SAFB: variants seen among roughly 807,000 people sequenced by gnomAD.
The protein encoded by SAFB is scaffold attachment factor B, also known as scaffold attachment factor B1.
Under a neutral mutation model 101.6 loss-of-function variants are expected in SAFB, and 15 were observed. That is an observed-to-expected ratio of 0.15 (90% CI 0.10 to 0.23). SAFB has a LOEUF of 0.23. Ranked by LOEUF, SAFB falls within the 10% of genes least tolerant of loss-of-function variation. The probability of loss-of-function intolerance (pLI) is 1.00; values close to 1 mark genes in which losing one functional copy is unlikely to be tolerated. For missense variants in SAFB, 930 were observed against 1,104.1 expected (o/e 0.84, Z 2.23); for synonymous variants, 449 against 407.5 (o/e 1.10, Z -1.23).
At chr19:5,626,347 C>T (rs750264917) in intron 1 of SAFB, 58 bp from the exon 2 acceptor site, 1 of 983,658 alleles carries the variant, frequency 1.0e-6, no homozygotes, top group Non-Finnish European at 1.6e-6. Context: ...TGAGAGCTCT[C>T]TGAAAGCAGT....
chr19:5,653,527 T>C, intron 11 of SAFB, 107 bp downstream of exon 11: 1 of 949,572 alleles, frequency 1.1e-6, no homozygotes. Flanking sequence ...AGTGCAGTGG[T>C]GTGATCTCGG....
intron 14 of SAFB, among the ~76,000 whole-genome samples, chr19:5,658,696 A>G (rs1289295094): frequency 6.6e-6 from 1 of 150,566 alleles, no homozygotes; most frequent in Non-Finnish European, 1.5e-5. Flanking sequence ...ACAAAAAATG[A>G]ACTGGGCGTG....
chr19:5,659,899 G>A (rs941702588), intron 14 of SAFB, among the ~76,000 whole-genome samples: 6 of 152,144 alleles, frequency 3.9e-5, no homozygotes, highest in Admixed American at 1.3e-4. Context: ...GTGGGCTTGG[G>A]TATCCCGTCA....
At chr19:5,647,158 C>G (rs574014775) in intron 5 of SAFB, among the ~76,000 whole-genome samples, 85 of 152,258 alleles carry the variant, frequency 5.6e-4, no homozygotes, top group African/African-American at 2.0e-3. Context: ...GGAAAAAGCT[C>G]CTTTGCTTAG....
chr19:5,627,540 C>G (rs142205885), intron 2 of SAFB, among the ~76,000 whole-genome samples: 1,726 of 152,274 alleles, frequency 0.011, 27 homozygotes, highest in Non-Finnish European at 0.013. Flanking sequence ...AGAATTGTCA[C>G]TTTAACATTT....
intron 2 of SAFB, among the ~76,000 whole-genome samples, chr19:5,630,100 G>A (rs568268464): frequency 1.5e-4 from 23 of 152,320 alleles, no homozygotes; most frequent in African/African-American, 5.5e-4. Flanking sequence ...ATGGGTGACG[G>A]TGCCTATTTC....
In SAFB at chr19:5,659,298, G is replaced by A. The variant is rs1250809113; in HGVS notation, c.1862+1951G>A. Among the ~76,000 whole-genome samples, 4 of 152,052 alleles carry A rather than the reference G, an allele frequency of 2.6e-5. No individual in the cohort carries two copies. In the South Asian group the frequency reaches 6.2e-4, roughly 24 times the overall value. ...CCAGCCTGGGCAACAAGAGCAAAAC[G>A]CTGTCTCAAATAAGAAATAAGGACA... On this transcript the variant is annotated intron_variant, in intron 14 of 20. Coordinates refer to ENST00000588852, the MANE Select transcript of SAFB (RefSeq NM_001201338.2).
intron 2 of SAFB, among the ~76,000 whole-genome samples, chr19:5,640,059 A>T (rs751086653): frequency 1.3e-5 from 2 of 151,998 alleles, no homozygotes; most frequent in Admixed American, 6.6e-5. Flanking sequence ...TCTCCATGTC[A>T]GTCAGGCTAG....
At chr19:5,661,405 C>G (rs951170171) in intron 14 of SAFB, 113 bp from the exon 15 acceptor site, 15 of 1,528,810 alleles carry the variant, frequency 9.8e-6, no homozygotes, top group Non-Finnish European at 1.3e-5. Flanking sequence ...CTGCAGACCA[C>G]GTAGTGGACG....
Position 5,667,817 on chromosome 19 carries a change from C to T in SAFB, c.2558-3C>T, listed in dbSNP as rs762090835. The T allele has an allele frequency of 6.2e-7, 1 of 1,613,920 alleles. No individual in the cohort carries two copies. Among genetic ancestry groups the T allele is most frequent in the Non-Finnish European group, 8.5e-7 (1 of 1,179,950 alleles). Reference sequence around the variant, plus strand: ...CCTGTGTGAAAGCACGTCTGTCTTCCAGGTGGCGAGAGAAGCATGTCCGGT... The same window carrying T: ...CCTGTGTGAAAGCACGTCTGTCTTCTAGGTGGCGAGAGAAGCATGTCCGGT... On this transcript the variant is annotated splice_region_variant and splice_polypyrimidine_tract_variant and intron_variant, in intron 19 of 20. Transcript: ENST00000588852. This position sits in a 1 kb window ranked among gnomAD's most constrained non-coding sequence, Gnocchi z 4.0.
In SAFB at chr19:5,664,107, C is replaced by G. The variant is rs1349019781; in HGVS notation, c.2239C>G (p.His747Asp). 6.2e-7 allele frequency: 1 copy of G among 1,613,956 alleles called. No homozygotes were observed. Among genetic ancestry groups the G allele is most frequent in the Non-Finnish European group, 8.5e-7 (1 of 1,180,040 alleles). ...TGACTTTAACCGCCAGGACCGCTTCCACGACTTTGACCACAGGGACCGCGG... is the reference window on the plus strand; with the variant it reads ...TGACTTTAACCGCCAGGACCGCTTCGACGACTTTGACCACAGGGACCGCGG... The part of the protein sequence containing the change: ...HSDFNRQDRF[H>D]DFDHRDRGRY... The change falls in exon 16 of 21, where the codon CAC (histidine) becomes GAC (aspartate). Residue 747 changes from histidine to aspartate, a missense_variant. Coordinates refer to ENST00000588852, the MANE Select transcript of SAFB (RefSeq NM_001201338.2).
At position 5,664,486 on chromosome 19, in the gene SAFB, G is replaced by T. The variant is rs775024353; in HGVS notation, c.2334+47G>T. 4.1e-6 allele frequency: 6 copies of T among 1,476,990 alleles called. No individual in the cohort carries two copies. In the South Asian group the frequency reaches 6.8e-5, roughly 17 times the overall value. The allele number at this position is 1,476,990 out of a possible 1,614,324, so 91.5% of individuals were successfully genotyped here. On this transcript the variant is annotated intron_variant, in intron 17 of 20. Coordinates refer to ENST00000588852, the MANE Select transcript of SAFB (RefSeq NM_001201338.2). ...TAGCCACAGAATTTCCCATAGAATG[G>T]GTTCTTTTCCCTTCAGCGTGCCTTC...
rs1308463023 is a variant in SAFB at position 5,642,620 on chromosome 19, C to T, written c.546+674C>T. Among the ~76,000 whole-genome samples the T allele has an allele frequency of 6.1e-5, 9 of 146,476 alleles. 1 individual carries two copies. The Admixed American group carries it at 6.2e-4, about 10-fold the overall frequency. ...GTGGGTAGTATTTCCTGAATACTAC[C>T]TACCAGGCATTGGCATTATGCCCTT... On this transcript the variant is annotated intron_variant, in intron 4 of 20. Transcript: ENST00000588852.
At chr19:5,655,252 G>A (rs1599368431) in intron 13 of SAFB, among the ~76,000 whole-genome samples, 1 of 152,026 alleles carries the variant, frequency 6.6e-6, no homozygotes, top group Non-Finnish European at 1.5e-5. Flanking sequence ...GAGCCCAGGA[G>A]ATGGATACCA....
chr19:5,629,776 G>T (rs574591927), intron 2 of SAFB, among the ~76,000 whole-genome samples: 1 of 152,146 alleles, frequency 6.6e-6, no homozygotes, highest in East Asian at 1.9e-4. Flanking sequence ...TAGCTGTCCC[G>T]GCCAAGTTCA....
In SAFB at chr19:5,649,469, C is replaced by T; in HGVS notation, c.1118C>T (p.Ser373Leu). ...GTCCCTCCGGCTCCTAAAGAGTCCT[C>T]AACCAGTGAGGGCGCTGATCAGAAA... ...NEVPPAPKES[S>L]TSEGADQKMS... Residue 373 changes from serine (S) to leucine (L), a missense_variant, in exon 7 of 21, where the codon TCA (serine) becomes TTA (leucine). Coordinates refer to ENST00000588852, the MANE Select transcript of SAFB (RefSeq NM_001201338.2). 1 of 501,836 alleles carries T rather than the reference C, an allele frequency of 2.0e-6. No individual in the cohort carries two copies. Among genetic ancestry groups the T allele is most frequent in the Non-Finnish European group, 3.3e-6 (1 of 299,944 alleles). The allele number at this position is 501,836 out of a possible 1,614,324, so 31.1% of individuals were successfully genotyped here. A position where few individuals can be genotyped will look rare whatever the true frequency, so the allele number is the denominator to read the frequency against.
intron 1 of SAFB, among the ~76,000 whole-genome samples, 164 bp downstream of exon 1, chr19:5,623,558 T>C (rs946803341): frequency 3.3e-5 from 5 of 152,148 alleles, no homozygotes; most frequent in African/African-American, 1.2e-4. Context: ...AGAGAGTTCC[T>C]TGGCCGGCTG....
At chr19:5,646,361 T>C (rs1180815825) in intron 5 of SAFB, among the ~76,000 whole-genome samples, 2 of 152,178 alleles carry the variant, frequency 1.3e-5, no homozygotes, top group Non-Finnish European at 2.9e-5. Context: ...AGTTCGCTTT[T>C]AGAGCTGCCG....
In SAFB at chr19:5,661,793, C is replaced by T; in HGVS notation, c.2138C>T (p.Pro713Leu). 6.4e-7 allele frequency: 1 copy of T among 1,550,888 alleles called. No individual in the cohort carries two copies. The highest frequency in any genetic ancestry group is 8.7e-7 in the Non-Finnish European group (1 of 1,149,686). The stretch of plus-strand genomic sequence containing the variant: ...GAGCGGCGGCCCGCGGTGCGGCGGC[C>T]CTACGACCTGGACCGGTAAGCAGAT... ...EQERRPAVRR[P>L]YDLDRRDDAY... Residue 713 changes from proline (P) to leucine (L), a missense_variant, in exon 15 of 21, where the codon CCC becomes CTC. Pro to Leu is a moderately conservative substitution (Grantham distance 98). Around this residue, in one of 7 missense-constraint regions of SAFB, gnomAD observed 318 missense variants for 342.6 expected, o/e 0.93. Coordinates refer to ENST00000588852, the MANE Select transcript of SAFB (RefSeq NM_001201338.2).
Sources: gnomAD v4.1 joint callset for allele counts (sites outside exome capture counted in the v4.1 genomes callset) on GRCh38, gnomAD v4.1.1 for gene constraint, gnomAD v4.1.1 regional missense constraint, Gnocchi (gnomAD v3.1) non-coding constraint, MANE v1.5 for transcripts, NCBI Gene and HGNC (gene_info 2026-07-23, HGNC 2026-07-21) for gene names.